Variants in WWOX observed in about 807,000 individuals in gnomAD.
WWOX encodes WW domain-containing oxidoreductase.
WWOX carries 69 observed loss-of-function variants against 46.2 expected under a neutral mutation model. That is an observed-to-expected ratio of 1.49 (90% CI 1.23 to 1.82). WWOX has a LOEUF of 1.82. Ranked by LOEUF, WWOX falls within the 40% of genes most tolerant of loss-of-function variation. WWOX has a pLI of 0.00. For synonymous variants in WWOX, 359 were observed against 202.6 expected (o/e 1.77, Z -6.56); for missense variants, 919 against 542.6 (o/e 1.69, Z -6.89).
chr16:78,417,052 T>TGTGTGTGTGTGTG (rs2082814640), intron 6 of WWOX, among the ~76,000 whole-genome samples: 1 of 152,006 alleles, frequency 6.6e-6, no homozygotes, highest in African/African-American at 2.4e-5. Flanking sequence ...TGTGTGTGTG[T>TGTGTGTGTGTGTG]TTGCTTCTTT....
At chr16:78,993,963 C>T (rs570642724) in intron 8 of WWOX, among the ~76,000 whole-genome samples, 3 of 152,152 alleles carry the variant, frequency 2.0e-5, no homozygotes, top group Non-Finnish European at 4.4e-5. Context: ...GTTCCCTGGG[C>T]AAGCCAACAG....
At chr16:78,258,862 C>T (rs1012422183) in intron 5 of WWOX, among the ~76,000 whole-genome samples, 3 of 151,952 alleles carry the variant, frequency 2.0e-5, no homozygotes, top group Non-Finnish European at 4.4e-5. Flanking sequence ...TAGAACATAA[C>T]GACTTGCCTC....
chr16:79,040,010 A>G (rs542938976), intron 8 of WWOX, among the ~76,000 whole-genome samples: 1 of 152,248 alleles, frequency 6.6e-6, no homozygotes, highest in South Asian at 2.1e-4. Flanking sequence ...CAGTTACACT[A>G]CCAGTTGTGT....
chr16:78,203,134 A>G (rs186710635), intron 5 of WWOX, among the ~76,000 whole-genome samples: 16 of 152,130 alleles, frequency 1.1e-4, no homozygotes, highest in African/African-American at 3.9e-4. Flanking sequence ...ATAAGGCTGG[A>G]TGGTGGGGAA....
At chr16:79,038,263 A>T (rs908366168) in intron 8 of WWOX, among the ~76,000 whole-genome samples, 2 of 152,202 alleles carry the variant, frequency 1.3e-5, no homozygotes, top group African/African-American at 2.4e-5. Context: ...AGATCCAGTG[A>T]ATTGTCTCCT....
At chr16:78,108,963 C>T (rs565816251) in intron 2 of WWOX, among the ~76,000 whole-genome samples, 7 of 152,230 alleles carry the variant, frequency 4.6e-5, no homozygotes, top group Admixed American at 6.5e-5. Context: ...GCTCCAGCCT[C>T]GGTGACAGAG....
chr16:78,446,687 G>A (rs5019139), intron 8 of WWOX, among the ~76,000 whole-genome samples: 2 of 95,768 alleles, frequency 2.1e-5, no homozygotes, highest in Non-Finnish European at 3.6e-5. Flanking sequence ...TTTTTGAGGT[G>A]GAATCTCCTG....
intron 8 of WWOX, among the ~76,000 whole-genome samples, chr16:79,062,021 G>C (rs1841354687): frequency 6.6e-6 from 1 of 152,146 alleles, no homozygotes; most frequent in South Asian, 2.1e-4. Context: ...TTTTCTTCAA[G>C]GGAGAGTATG....
At chr16:78,527,553 CAA>C (rs1175310432) in intron 8 of WWOX, among the ~76,000 whole-genome samples, 1 of 152,134 alleles carries the variant, frequency 6.6e-6, no homozygotes, top group African/African-American at 2.4e-5. Context: ...CTCAGCCAGC[CAA>C]AGTGCTGGGA....
chr16:79,076,110 G>A (rs886509786), intron 8 of WWOX, among the ~76,000 whole-genome samples: 2 of 152,130 alleles, frequency 1.3e-5, no homozygotes, highest in Non-Finnish European at 2.9e-5. Context: ...GCCGAGATTT[G>A]TAAGAGTAAG....
At chr16:78,916,785 G>C (rs1424103980) in intron 8 of WWOX, among the ~76,000 whole-genome samples, 1 of 152,168 alleles carries the variant, frequency 6.6e-6, no homozygotes, top group African/African-American at 2.4e-5. Flanking sequence ...TTACAACCCA[G>C]GGTCAGGAAA....
intron 8 of WWOX, among the ~76,000 whole-genome samples, chr16:79,086,981 G>A (rs75818939): frequency 0.024 from 3,594 of 152,330 alleles, 60 homozygotes; most frequent in Middle Eastern, 0.054. Flanking sequence ...GTGTCTGAAT[G>A]GGATATGGTG....
intron 8 of WWOX, among the ~76,000 whole-genome samples, chr16:78,740,149 A>G (rs777795179): frequency 9.2e-5 from 14 of 152,022 alleles, no homozygotes; most frequent in Non-Finnish European, 1.6e-4. Flanking sequence ...AAATAATTGC[A>G]TCTCCTGAAA....
intron 8 of WWOX, among the ~76,000 whole-genome samples, chr16:79,095,642 C>T (rs1390976655): frequency 6.6e-6 from 1 of 152,134 alleles, no homozygotes; most frequent in Non-Finnish European, 1.5e-5. Flanking sequence ...CATGAGTAGG[C>T]TCTAACCTGG....
intron 6 of WWOX, 30 bp from the exon 7 acceptor site, chr16:78,424,840 C>G: frequency 6.2e-7 from 1 of 1,613,378 alleles, no homozygotes; most frequent in Non-Finnish European, 8.5e-7. Flanking sequence ...GTGTTTATGT[C>G]CACATCACAT....
chr16:78,847,520 A>G (rs2052331536), intron 8 of WWOX, among the ~76,000 whole-genome samples: 1 of 151,738 alleles, frequency 6.6e-6, no homozygotes, highest in Non-Finnish European at 1.5e-5. Flanking sequence ...TTTTGTGGAG[A>G]GCAGGGTCTT....
At chr16:78,803,819 A>G (rs1014271696) in intron 8 of WWOX, among the ~76,000 whole-genome samples, 1 of 152,136 alleles carries the variant, frequency 6.6e-6, no homozygotes, top group Non-Finnish European at 1.5e-5. Context: ...TGATGGAGGA[A>G]TTTTAAAAGA....
intron 8 of WWOX, among the ~76,000 whole-genome samples, chr16:78,742,556 A>T (rs1473954170): frequency 6.6e-6 from 1 of 152,188 alleles, no homozygotes; most frequent in Non-Finnish European, 1.5e-5. Flanking sequence ...CAAATGACAA[A>T]TCAGTTTCTA....
intron 6 of WWOX, among the ~76,000 whole-genome samples, chr16:78,388,399 C>A (rs1463301532): frequency 6.6e-6 from 1 of 152,094 alleles, no homozygotes; most frequent in Admixed American, 6.5e-5. Flanking sequence ...GTAATCCCAG[C>A]AGTTTGGGAG....
Sources: gnomAD v4.1 joint callset for allele counts (sites outside exome capture counted in the v4.1 genomes callset) on GRCh38, gnomAD v4.1.1 for gene constraint, MANE v1.5 for transcripts, NCBI Gene and HGNC (gene_info 2026-07-23, HGNC 2026-07-21) for gene names.